Variants in UNC79 observed in about 807,000 individuals in gnomAD.
UNC79 encodes the protein protein unc-79 homolog.
In UNC79, 37 loss-of-function variants were observed where a neutral mutation model predicts 283.1. That is an observed-to-expected ratio of 0.13 (90% CI 0.10 to 0.17). The LOEUF is 0.17. UNC79 is among the 10% of genes least tolerant of loss of function. UNC79 has a pLI of 1.00. For synonymous variants in UNC79, 1,107 were observed against 1,200.2 expected (o/e 0.92, Z 1.61); for missense variants, 2,272 against 3,211.1 (o/e 0.71, Z 7.07).
In UNC79 at chr14:93,600,060, C is replaced by T. The variant is rs569496312; in HGVS notation, c.3373-509C>T. On this transcript the variant is annotated intron_variant, in intron 24 of 48. Coordinates refer to ENST00000555664, the Ensembl canonical transcript of UNC79. ...CTAAAAATACAAAAAATTAGCCGGG[C>T]GTGGTGGCGGGCGCCTGTAGTCCCA... Among the ~76,000 whole-genome samples the T allele has an allele frequency of 1.1e-4, 16 of 152,098 alleles. No individual in the cohort carries two copies. The South Asian group carries it at 1.9e-3, about 18-fold the overall frequency.
At chr14:93,506,925 A>G (rs944901415) in intron 7 of UNC79, among the ~76,000 whole-genome samples, 5 of 152,182 alleles carry the variant, frequency 3.3e-5, no homozygotes, top group African/African-American at 1.2e-4. Context: ...CCCTTCTCTC[A>G]TTCTGAAGTG....
Position 93,622,376 on chromosome 14 carries a change from A to G in UNC79, c.5143A>G (p.Ile1715Val), listed in dbSNP as rs745646306. The change falls in exon 30 of 49, where the codon ATC (isoleucine) becomes GTC (valine). Residue 1715 changes from isoleucine to valine, a missense_variant. This residue lies in a region of UNC79 where 580 missense variants were observed against 632.2 expected (regional missense o/e 0.92). Coordinates refer to ENST00000555664, the Ensembl canonical transcript of UNC79. ...AGCAGGGAACACTGACTCTGCCCTC[A>G]TCACTCTGGAAGACCCTATGGACGC... 4.3e-6 allele frequency: 7 copies of G among 1,614,034 alleles called. No homozygotes were observed. In the African/African-American group the frequency reaches 8.0e-5, roughly 18 times the overall value.
chr14:93,573,514 T>A (rs1401369146), intron 16 of UNC79, among the ~76,000 whole-genome samples: 1 of 152,224 alleles, frequency 6.6e-6, no homozygotes, highest in Admixed American at 6.5e-5. Context: ...TTAAATTAAC[T>A]TGAATACCTG....
chr14:93,390,745 C>G (rs1183243308), intron 1 of UNC79, among the ~76,000 whole-genome samples: 2 of 151,976 alleles, frequency 1.3e-5, no homozygotes, highest in South Asian at 2.1e-4. Context: ...TGGAATAAAT[C>G]TATGAAAAGA....
At chr14:93,375,152 G>A (rs141227421) in intron 1 of UNC79, among the ~76,000 whole-genome samples, 110 of 152,294 alleles carry the variant, frequency 7.2e-4, no homozygotes, top group Non-Finnish European at 1.4e-3. Flanking sequence ...GGATGCTAAG[G>A]CAGGAGGATC....
At position 93,649,590 on chromosome 14, in the gene UNC79, G is replaced by A. The variant is rs538880019; in HGVS notation, c.6083+2944G>A. On this transcript the variant is annotated intron_variant, in intron 35 of 48. Transcript: ENST00000555664. ...TCTTTTTTCCTCCAGCTTTATTGAG[G>A]TATAATTGAGAAATAAAAATTATAT... Among the ~76,000 whole-genome samples, 82 of 152,060 alleles carry A rather than the reference G, an allele frequency of 5.4e-4. 1 individual carries two copies. Among genetic ancestry groups the A allele is most frequent in the African/African-American group, 1.9e-3 (78 of 41,470 alleles).
intron 1 of UNC79, among the ~76,000 whole-genome samples, chr14:93,365,500 C>T (rs1363110367): frequency 1.3e-5 from 2 of 151,600 alleles, no homozygotes; most frequent in African/African-American, 2.4e-5. Flanking sequence ...ATACTGAGAA[C>T]TCAGAGTTAA....
chr14:93,705,429 T>G (rs1185312993), intron 48 of UNC79, among the ~76,000 whole-genome samples: 2 of 151,100 alleles, frequency 1.3e-5, no homozygotes, highest in Non-Finnish European at 2.9e-5. Context: ...TGATGTGTCC[T>G]GGTTGCTAAA....
intron 1 of UNC79, among the ~76,000 whole-genome samples, chr14:93,422,386 TAGC>T (rs2055619583): frequency 6.8e-6 from 1 of 147,116 alleles, no homozygotes; most frequent in Non-Finnish European, 1.5e-5. Flanking sequence ...AGCCTCCAGG[TAGC>T]TGGCTTCAGA....
chr14:93,586,725 T>A (rs1384320805), intron 21 of UNC79, 35 bp from the exon 22 acceptor site: 2 of 1,613,058 alleles, frequency 1.2e-6, no homozygotes, highest in Admixed American at 3.3e-5. Context: ...ATTACTGTTT[T>A]GGATAACTTA....
intron 43 of UNC79, among the ~76,000 whole-genome samples, chr14:93,687,014 T>C (rs1469082027): frequency 5.9e-5 from 9 of 152,220 alleles, no homozygotes; most frequent in Admixed American, 5.2e-4. Flanking sequence ...AAAGTCAAGG[T>C]TGAACCCAAG....
chr14:93,600,099 C>T (rs1156920517), intron 24 of UNC79, among the ~76,000 whole-genome samples: 5 of 152,096 alleles, frequency 3.3e-5, no homozygotes, highest in Non-Finnish European at 7.3e-5. Context: ...ACTTGGGAGG[C>T]TGAGGCAGGA....
chr14:93,506,253 G>A (rs1014960061), intron 7 of UNC79, among the ~76,000 whole-genome samples: 11 of 145,810 alleles, frequency 7.5e-5, no homozygotes, highest in South Asian at 2.1e-4. Flanking sequence ...ATGTAGTTTC[G>A]CTCTTGTCAC....
Position 93,622,382 on chromosome 14 carries a change from C to T in UNC79, c.5149C>T (p.Leu1717=), listed in dbSNP as rs2067203613. ...GAACACTGACTCTGCCCTCATCACTCTGGAAGACCCTATGGACGCCGAAGG... is the reference window on the plus strand; with the variant it reads ...GAACACTGACTCTGCCCTCATCACTTTGGAAGACCCTATGGACGCCGAAGG... Residue 1717 remains leucine (L), a synonymous_variant, in exon 30 of 49, where the codon CTG becomes TTG. Transcript: ENST00000555664. The T allele has an allele frequency of 9.9e-6, 16 of 1,614,150 alleles. 1 individual carries two copies. The East Asian group carries it at 2.9e-4, about 29-fold the overall frequency.
intron 14 of UNC79, among the ~76,000 whole-genome samples, chr14:93,560,964 A>G (rs1327198338): frequency 2.0e-5 from 3 of 152,110 alleles, no homozygotes. Context: ...TTTCACTGTT[A>G]TTTATGGGGC....
At chr14:93,443,332 A>C (rs1377575459) in intron 1 of UNC79, among the ~76,000 whole-genome samples, 2 of 152,086 alleles carry the variant, frequency 1.3e-5, no homozygotes, top group African/African-American at 4.8e-5. Context: ...AGTTCCAGGA[A>C]GACATTGCTT....
intron 5 of UNC79, 72 bp downstream of exon 5, chr14:93,487,827 A>G: frequency 7.0e-7 from 1 of 1,427,118 alleles, no homozygotes; most frequent in Non-Finnish European, 9.7e-7. Flanking sequence ...CAAGCAGGCT[A>G]GATGTTCTCA....
At chr14:93,560,642 C>T (rs886108223) in intron 14 of UNC79, among the ~76,000 whole-genome samples, 7 of 151,912 alleles carry the variant, frequency 4.6e-5, no homozygotes, top group East Asian at 1.9e-4. Context: ...GGGAGCTCTT[C>T]GGTCCCATTC....
intron 2 of UNC79, among the ~76,000 whole-genome samples, chr14:93,473,458 A>C (rs1216413611): frequency 6.6e-6 from 1 of 152,238 alleles, no homozygotes; most frequent in African/African-American, 2.4e-5. Flanking sequence ...TATTATTTCT[A>C]AATTCATATG....
Sources: gnomAD v4.1 joint callset for allele counts (sites outside exome capture counted in the v4.1 genomes callset) on GRCh38, gnomAD v4.1.1 for gene constraint, gnomAD v4.1.1 regional missense constraint, MANE v1.5 for transcripts, NCBI Gene and HGNC (gene_info 2026-07-23, HGNC 2026-07-21) for gene names.